FARS2: variants seen among roughly 807,000 people sequenced by gnomAD.
FARS2 encodes phenylalanine--tRNA ligase, mitochondrial.
Under a neutral mutation model 46.4 loss-of-function variants are expected in FARS2, and 40 were observed. The observed-to-expected ratio is 0.86, with a 90% CI of 0.67 to 1.12. FARS2 has a LOEUF of 1.12. FARS2 is among the 50% of genes most tolerant of loss of function. The probability of loss-of-function intolerance (pLI) is 0.00; values close to 1 mark genes in which losing one functional copy is unlikely to be tolerated. For synonymous variants in FARS2, 234 were observed against 214.9 expected, an observed-to-expected ratio of 1.09 and a Z score of -0.78; for missense variants, 513 against 567.9, an observed-to-expected ratio of 0.90 and a Z score of 0.98.
intron 3 of FARS2, among the ~76,000 whole-genome samples, chr6:5,419,478 T>C (rs199978180): frequency 0.018 from 1,744 of 98,070 alleles, 29 homozygotes; most frequent in African/African-American, 0.06. Context: ...TTTTGTTCTT[T>C]ACCGTTTCTC....
At chr6:5,689,083 C>T (rs1757479514) in intron 6 of FARS2, among the ~76,000 whole-genome samples, 1 of 151,844 alleles carries the variant, frequency 6.6e-6, no homozygotes, top group African/African-American at 2.4e-5. Context: ...CTATTTGATT[C>T]TTCTCTCTTT....
chr6:5,404,499 G>A, intron 2 of FARS2, 43 bp from the exon 3 acceptor site: 1 of 1,424,026 alleles, frequency 7.0e-7, no homozygotes, highest in Admixed American at 2.1e-5. Context: ...ATATAGATGG[G>A]CCAGGATATT....
At chr6:5,458,385 A>G (rs1765034880) in intron 4 of FARS2, among the ~76,000 whole-genome samples, 1 of 152,188 alleles carries the variant, frequency 6.6e-6, no homozygotes, top group African/African-American at 2.4e-5. Flanking sequence ...GCTGAGGAGC[A>G]CTGGAGCCCT....
At chr6:5,269,189 G>A (rs560293778) in intron 1 of FARS2, among the ~76,000 whole-genome samples, 9 of 152,256 alleles carry the variant, frequency 5.9e-5, no homozygotes, top group African/African-American at 2.2e-4. Flanking sequence ...CCCTTTGTAG[G>A]GACATGGATG....
chr6:5,610,305 TC>T, intron 5 of FARS2: 8 of 392,290 alleles, frequency 2.0e-5, no homozygotes, highest in Admixed American at 4.2e-5. Context: ...CCTTTTCAAT[TC>T]TTTTTAAAAA....
At chr6:5,691,485 T>G (rs1017391706) in intron 6 of FARS2, among the ~76,000 whole-genome samples, 6 of 152,142 alleles carry the variant, frequency 3.9e-5, no homozygotes, top group Admixed American at 1.3e-4. Context: ...GTATCAGCAG[T>G]GGAGGCTGCA....
At chr6:5,281,622 T>G in intron 1 of FARS2, among the ~76,000 whole-genome samples, 1 of 152,040 alleles carries the variant, frequency 6.6e-6, no homozygotes, top group Non-Finnish European at 1.5e-5. Context: ...CAGCTCCCCA[T>G]TCTCCCACCC....
intron 2 of FARS2, among the ~76,000 whole-genome samples, chr6:5,400,677 CAT>C (rs1761204909): frequency 6.6e-6 from 1 of 151,656 alleles, no homozygotes; most frequent in Non-Finnish European, 1.5e-5. Flanking sequence ...TGTATACACA[CAT>C]GATTTCATTT....
intron 4 of FARS2, among the ~76,000 whole-genome samples, chr6:5,527,916 G>A (rs541842680): frequency 1.3e-5 from 2 of 152,290 alleles, no homozygotes; most frequent in Non-Finnish European, 2.9e-5. Flanking sequence ...TGAAATTTGA[G>A]GGAAAAGGAT....
intron 6 of FARS2, among the ~76,000 whole-genome samples, chr6:5,700,315 G>A (rs566499841): frequency 7.9e-5 from 12 of 152,104 alleles, no homozygotes; most frequent in African/African-American, 2.9e-4. Context: ...ATATGATGGG[G>A]AATTGGAAGA....
At chr6:5,422,061 TCA>T (rs1052157644) in intron 3 of FARS2, among the ~76,000 whole-genome samples, 4 of 152,338 alleles carry the variant, frequency 2.6e-5, no homozygotes, top group African/African-American at 9.6e-5. Context: ...CTTAATGGAC[TCA>T]CAGTTTCATA....
At chr6:5,439,580 G>C (rs974207163) in intron 4 of FARS2, among the ~76,000 whole-genome samples, 6 of 152,222 alleles carry the variant, frequency 3.9e-5, no homozygotes, top group Admixed American at 6.5e-5. Context: ...GTCGTAATCA[G>C]AGAGAGGGAT....
chr6:5,368,530 T>C lies in FARS2; in HGVS notation c.-21-20T>C. On this transcript the variant is annotated intron_variant, in intron 1 of 6. Coordinates refer to ENST00000274680, the MANE Select transcript of FARS2 (RefSeq NM_006567.5). Reference sequence around the variant, plus strand: ...ACAGAGTGACACCTGACTTGTGCTTTGCCTGTGTGCTCTTTCCAGAACCTG... The same window carrying C: ...ACAGAGTGACACCTGACTTGTGCTTCGCCTGTGTGCTCTTTCCAGAACCTG... The C allele has an allele frequency of 6.4e-7, 1 of 1,562,986 alleles. No homozygotes were observed. The highest frequency in any genetic ancestry group is 8.7e-7 in the Non-Finnish European group (1 of 1,153,248).
chr6:5,602,265 A>T (rs924256168), intron 5 of FARS2, among the ~76,000 whole-genome samples: 1 of 152,164 alleles, frequency 6.6e-6, no homozygotes, highest in Admixed American at 6.5e-5. Context: ...ACAACTGACA[A>T]TGCTTTCTTG....
At chr6:5,412,856 C>A (rs1762011954) in intron 3 of FARS2, among the ~76,000 whole-genome samples, 1 of 151,602 alleles carries the variant, frequency 6.6e-6, no homozygotes, top group Admixed American at 6.6e-5. Context: ...TTGTTGCATT[C>A]AAGCAATTTT....
chr6:5,657,093 T>C (rs1241483206), intron 6 of FARS2, among the ~76,000 whole-genome samples: 2 of 152,240 alleles, frequency 1.3e-5, no homozygotes, highest in African/African-American at 4.8e-5. Context: ...ATTGTGTATA[T>C]ATACATATGT....
chr6:5,525,793 A>G (rs977859041), intron 4 of FARS2, among the ~76,000 whole-genome samples: 4 of 152,258 alleles, frequency 2.6e-5, no homozygotes, highest in Non-Finnish European at 5.9e-5. Flanking sequence ...CCAAGGAGTT[A>G]TAGAGGCCAC....
intron 1 of FARS2, among the ~76,000 whole-genome samples, chr6:5,356,866 T>G (rs1014351850): frequency 1.3e-5 from 2 of 152,172 alleles, no homozygotes; most frequent in Non-Finnish European, 2.9e-5. Context: ...GCTTTGCAAT[T>G]TCAACTAAAT....
intron 4 of FARS2, among the ~76,000 whole-genome samples, chr6:5,481,746 G>T (rs1426440809): frequency 1.3e-5 from 2 of 152,006 alleles, no homozygotes; most frequent in Admixed American, 6.5e-5. Flanking sequence ...CTGGGAATTT[G>T]GGGTGTCAGC....
Sources: gnomAD v4.1 joint callset for allele counts (sites outside exome capture counted in the v4.1 genomes callset) on GRCh38, gnomAD v4.1.1 for gene constraint, MANE v1.5 for transcripts, NCBI Gene and HGNC (gene_info 2026-07-23, HGNC 2026-07-21) for gene names.